The following R3HDM1 variants were observed in gnomAD, a reference collection of about 807,000 sequenced individuals.
The protein encoded by R3HDM1 is R3H domain containing 1.
Under a neutral mutation model 141.1 loss-of-function variants are expected in R3HDM1, and 46 were observed. The observed-to-expected ratio is 0.33, with a 90% CI of 0.26 to 0.42. The LOEUF (loss-of-function observed/expected upper bound fraction) is 0.42, where lower values mean the gene tolerates loss of function less well. Ranked by LOEUF, R3HDM1 falls within the 10% of genes least tolerant of loss-of-function variation. R3HDM1 has a pLI of 1.00. For missense variants in R3HDM1, 1,184 were observed against 1,368.3 expected, an observed-to-expected ratio of 0.87 and a Z score of 2.12; for synonymous variants, 435 against 472.9, an observed-to-expected ratio of 0.92 and a Z score of 1.04.
chr2:135,632,328 T>TA (rs11335011), intron 9 of R3HDM1, among the ~76,000 whole-genome samples: 484 of 135,840 alleles, frequency 3.6e-3, no homozygotes, highest in African/African-American at 4.5e-3. Flanking sequence ...TAGTCAAATT[T>TA]AAAAAAAAAA....
intron 1 of R3HDM1, among the ~76,000 whole-genome samples, chr2:135,556,045 GGAAT>G (rs1375763153): frequency 1.3e-5 from 2 of 152,078 alleles, no homozygotes; most frequent in African/African-American, 4.8e-5. Flanking sequence ...GGGAAGGGAA[GGAAT>G]GAAGTGTTGA....
intron 19 of R3HDM1, chr2:135,669,726 C>T (rs1262407395): frequency 3.6e-6 from 1 of 274,580 alleles, no homozygotes; most frequent in East Asian, 1.8e-4. Context: ...AGCTGAAAAA[C>T]AGGGATAATA....
At chr2:135,694,447 C>A (rs955263330) in intron 21 of R3HDM1, among the ~76,000 whole-genome samples, 1 of 152,148 alleles carries the variant, frequency 6.6e-6, no homozygotes, top group African/African-American at 2.4e-5. Flanking sequence ...AACTTGCATC[C>A]TCCTGACTTC....
At chr2:135,548,319 A>G (rs757468598) in intron 1 of R3HDM1, among the ~76,000 whole-genome samples, 1 of 152,152 alleles carries the variant, frequency 6.6e-6, no homozygotes, top group Admixed American at 6.5e-5. Context: ...TCCATGTTTT[A>G]TGCATTTTAA....
At chr2:135,594,034 C>G (rs185588935) in intron 1 of R3HDM1, among the ~76,000 whole-genome samples, 5 of 152,260 alleles carry the variant, frequency 3.3e-5, no homozygotes, top group Middle Eastern at 3.4e-3. Context: ...CTAGAATTTT[C>G]TATGTACCAG....
At chr2:135,641,938 C>A in intron 15 of R3HDM1, 148 bp downstream of exon 15, 2 of 1,065,694 alleles carry the variant, frequency 1.9e-6, no homozygotes, top group Non-Finnish European at 2.6e-6. Context: ...ACACTTAATG[C>A]TAGGGAAGTT....
chr2:135,597,182 C>G, intron 1 of R3HDM1: 1 of 972,996 alleles, frequency 1.0e-6, no homozygotes, highest in Non-Finnish European at 1.2e-6. Context: ...CTTATAATGT[C>G]CTCCTAAAAT....
At chr2:135,658,668 A>G (rs944018746) in intron 18 of R3HDM1, among the ~76,000 whole-genome samples, 14 of 152,202 alleles carry the variant, frequency 9.2e-5, no homozygotes, top group Non-Finnish European at 2.9e-5. Flanking sequence ...ACCTTAGCTT[A>G]CAGTAACTTT....
At chr2:135,563,089 G>GT (rs1702083407) in intron 1 of R3HDM1, among the ~76,000 whole-genome samples, 1 of 152,164 alleles carries the variant, frequency 6.6e-6, no homozygotes, top group Admixed American at 6.5e-5. Flanking sequence ...TTATGTGAGT[G>GT]TTTCGTTTCA....
chr2:135,599,243 C>T (rs2059429623), intron 1 of R3HDM1, among the ~76,000 whole-genome samples: 1 of 152,118 alleles, frequency 6.6e-6, no homozygotes, highest in Non-Finnish European at 1.5e-5. Flanking sequence ...ATAAGCACAT[C>T]TCTGACTTGT....
chr2:135,577,432 A>G lies in R3HDM1; in HGVS notation c.-249-25068A>G, dbSNP rs867726905. ...AAATGACCAAAAAAAAAAAAAAAAAAAAAAAAAAGCCTTGAGCACCAAAGG... is the reference window on the plus strand; with the variant it reads ...AAATGACCAAAAAAAAAAAAAAAAAGAAAAAAAAGCCTTGAGCACCAAAGG... On this transcript the variant is annotated intron_variant, in intron 1 of 26. Transcript: ENST00000683871. Among the ~76,000 whole-genome samples, 1,194 of 148,690 alleles carry G rather than the reference A, an allele frequency of 8.0e-3. 26 individuals carry two copies. The highest frequency in any genetic ancestry group is 0.028 in the African/African-American group (1,135 of 40,626).
intron 3 of R3HDM1, among the ~76,000 whole-genome samples, chr2:135,614,992 T>TG (rs766892063): frequency 1.6e-4 from 25 of 152,304 alleles, no homozygotes; most frequent in South Asian, 6.2e-4. Flanking sequence ...ACCTCTTAGG[T>TG]GGCACTGCCA....
chr2:135,702,671 A>G (rs2074389803), intron 21 of R3HDM1, among the ~76,000 whole-genome samples: 1 of 148,224 alleles, frequency 6.7e-6, no homozygotes, highest in Admixed American at 6.7e-5. Flanking sequence ...AAAAAAAAAT[A>G]TCAGGCATGG....
intron 1 of R3HDM1, among the ~76,000 whole-genome samples, chr2:135,596,053 C>CA (rs750243896): frequency 1.3e-4 from 20 of 152,158 alleles, no homozygotes; most frequent in Non-Finnish European, 2.9e-4. Flanking sequence ...GGCTGGAGTG[C>CA]AGTGGTGCGA....
At chr2:135,711,797 A>G (rs1259897586) in intron 23 of R3HDM1, among the ~76,000 whole-genome samples, 1 of 151,992 alleles carries the variant, frequency 6.6e-6, no homozygotes, top group Non-Finnish European at 1.5e-5. Flanking sequence ...CGTCTCTACT[A>G]AAAATACAAA....
At chr2:135,585,390 G>C (rs1707652325) in intron 1 of R3HDM1, among the ~76,000 whole-genome samples, 1 of 152,128 alleles carries the variant, frequency 6.6e-6, no homozygotes, top group Non-Finnish European at 1.5e-5. Context: ...TAGAAAAGTG[G>C]GATTTCTGGT....
At chr2:135,623,038 C>T (rs751396158) in intron 7 of R3HDM1, 24 of 980,406 alleles carry the variant, frequency 2.4e-5, no homozygotes, top group Non-Finnish European at 2.9e-5. Context: ...AAATAGGTAT[C>T]TCACCATAGT....
chr2:135,628,223 A>G (rs2062248389), intron 7 of R3HDM1, among the ~76,000 whole-genome samples: 1 of 152,212 alleles, frequency 6.6e-6, no homozygotes, highest in African/African-American at 2.4e-5. Context: ...AACCTCAATT[A>G]CAGATTTGAA....
chr2:135,683,619 T>A (rs987301226), intron 21 of R3HDM1, among the ~76,000 whole-genome samples: 1 of 151,872 alleles, frequency 6.6e-6, no homozygotes, highest in African/African-American at 2.4e-5. Context: ...AATTAACTGA[T>A]TAATTTTTTA....
Sources: allele counts gnomAD v4.1 joint callset (sites outside exome capture counted in the v4.1 genomes callset), GRCh38; gene constraint gnomAD v4.1.1; transcripts MANE v1.5; gene names NCBI Gene and HGNC (gene_info 2026-07-23, HGNC 2026-07-21).